MAP4K4: variants seen among roughly 807,000 people sequenced by gnomAD.
MAP4K4 encodes HPK/GCK-like kinase HGK.
A neutral mutation model predicts 189.6 loss-of-function variants in MAP4K4; 38 were observed. The observed-to-expected ratio is 0.20, with a 90% CI of 0.15 to 0.26. The LOEUF is 0.26. Ranked by LOEUF, MAP4K4 falls within the 10% of genes least tolerant of loss-of-function variation. The pLI is 1.00. For synonymous variants in MAP4K4, 610 were observed against 624.3 expected (o/e 0.98, Z 0.34); for missense variants, 1,054 against 1,726.9 (o/e 0.61, Z 6.91).
At chr2:101,891,430 T>C (rs1316357358) in exon 33 of MAP4K4, 1 of 560,630 alleles carries the variant, frequency 1.8e-6, no homozygotes, top group Admixed American at 3.1e-5. Flanking sequence ...TTTATCCCCA[T>C]TCTTTTTTTT....
At chr2:101,795,835 T>C (rs1490212404) in intron 3 of MAP4K4, among the ~76,000 whole-genome samples, 2 of 152,176 alleles carry the variant, frequency 1.3e-5, no homozygotes, top group Admixed American at 1.3e-4. Flanking sequence ...ACTGAAAATA[T>C]TGGTTCCTGA....
In MAP4K4 at chr2:101,871,733, C is replaced by A. The variant is rs147668709; in HGVS notation, c.2952+48C>A. On this transcript the variant is annotated intron_variant, in intron 24 of 32. Transcript: ENST00000324219. The stretch of plus-strand genomic sequence containing the variant: ...CTGCTTTCCTGGGGTTAGACCAGCA[C>A]TGCCTAGGAGTTAGTTTGCAAAGGA... The A allele has an allele frequency of 1.7e-5, 26 of 1,505,472 alleles. No homozygotes were observed. In the East Asian group the frequency reaches 6.4e-4, roughly 37 times the overall value. The allele number at this position is 1,505,472 out of a possible 1,614,324, so 93.3% of individuals were successfully genotyped here. A position where few individuals can be genotyped will look rare whatever the true frequency, so the allele number is the denominator to read the frequency against.
intron 2 of MAP4K4, among the ~76,000 whole-genome samples, chr2:101,766,177 A>G (rs911994968): frequency 6.6e-6 from 1 of 152,176 alleles, no homozygotes; most frequent in Non-Finnish European, 1.5e-5. Context: ...GGTACCCACT[A>G]TGTATGCACG....
chr2:101,698,128 C>G, exon 1 of MAP4K4: 1 of 1,260,948 alleles, frequency 7.9e-7, no homozygotes, highest in Non-Finnish European at 1.0e-6. Flanking sequence ...TCGACCTCTC[C>G]TCCCTGCGGG....
intron 2 of MAP4K4, among the ~76,000 whole-genome samples, chr2:101,783,224 G>A (rs368733994): frequency 3.3e-5 from 5 of 152,044 alleles, no homozygotes; most frequent in African/African-American, 1.2e-4. Flanking sequence ...GTTGAAGTAG[G>A]CTTGCCTGTC....
intron 3 of MAP4K4, among the ~76,000 whole-genome samples, chr2:101,822,556 T>G (rs1438253147): frequency 6.6e-6 from 1 of 152,240 alleles, no homozygotes. Flanking sequence ...TCTGATCTTA[T>G]CATTTATATC....
At chr2:101,882,422 C>T in intron 27 of MAP4K4, 129 bp from the exon 28 acceptor site, 1 of 609,878 alleles carries the variant, frequency 1.6e-6, no homozygotes, top group Non-Finnish European at 2.6e-6. Flanking sequence ...ACATCTCCAA[C>T]TTGTGACTTG....
intron 7 of MAP4K4, among the ~76,000 whole-genome samples, 196 bp downstream of exon 7, chr2:101,832,047 C>G (rs544037930): frequency 1.3e-5 from 2 of 152,368 alleles, no homozygotes; most frequent in African/African-American, 4.8e-5. Flanking sequence ...CATCACATGA[C>G]TGTGTTCTCA....
chr2:101,849,353 T>C (rs2097206747), intron 12 of MAP4K4, among the ~76,000 whole-genome samples: 1 of 152,066 alleles, frequency 6.6e-6, no homozygotes, highest in Non-Finnish European at 1.5e-5. Flanking sequence ...TGTTTCTAAC[T>C]CCTGGGCTCA....
At chr2:101,730,822 C>T (rs902174094) in intron 2 of MAP4K4, among the ~76,000 whole-genome samples, 4 of 152,002 alleles carry the variant, frequency 2.6e-5, no homozygotes, top group Non-Finnish European at 5.9e-5. Flanking sequence ...CCGAGGCAGG[C>T]GGATCATGAG....
At chr2:101,851,724 C>CTTTTTTTTTT (rs36217584) in intron 12 of MAP4K4, among the ~76,000 whole-genome samples, 6 of 67,900 alleles carry the variant, frequency 8.8e-5, no homozygotes, top group African/African-American at 1.9e-4. Context: ...TAACTGTCCT[C>CTTTTTTTTTT]TTTTTTTTTT....
intron 28 of MAP4K4, 101 bp downstream of exon 28, chr2:101,882,786 A>C: frequency 1.7e-6 from 2 of 1,204,930 alleles, no homozygotes; most frequent in Non-Finnish European, 2.3e-6. Flanking sequence ...TGTAATAATA[A>C]ACTTGTTTCT....
chr2:101,720,851 A>T lies in MAP4K4; in HGVS notation c.123+22313A>T, dbSNP rs532559811. On this transcript the variant is annotated intron_variant, in intron 2 of 32. Coordinates refer to ENST00000324219, the Ensembl canonical transcript of MAP4K4. ...GAAAAACAAGTTGAATTATTGCTGA[A>T]TTTTTGGTTTAGGCATAGTTGATCA... Among the ~76,000 whole-genome samples, 41 of 152,290 alleles carry T rather than the reference A, an allele frequency of 2.7e-4. No homozygotes were observed. The Middle Eastern group carries it at 0.01, about 38-fold the overall frequency.
chr2:101,851,744 TTTTTTTTTTTTTG>T (rs1172076916), intron 12 of MAP4K4, among the ~76,000 whole-genome samples: 2 of 101,450 alleles, frequency 2.0e-5, no homozygotes, highest in African/African-American at 3.6e-5. Context: ...TTTTTTTTTT[TTTTTTTTTTTTTG>T]CCTTAGCTAT....
At chr2:101,890,575 C>G (rs1295759581) in intron 32 of MAP4K4, among the ~76,000 whole-genome samples, 1 of 152,066 alleles carries the variant, frequency 6.6e-6, no homozygotes, top group African/African-American at 2.4e-5. Context: ...TCTTCCTCAG[C>G]CTCCTGAGTA....
chr2:101,829,328 C>CTG (rs1414957923), intron 5 of MAP4K4, among the ~76,000 whole-genome samples, 176 bp from the exon 6 acceptor site: 1 of 152,134 alleles, frequency 6.6e-6, no homozygotes, highest in African/African-American at 2.4e-5. Flanking sequence ...GGACTTCTTT[C>CTG]TGTGTGTGTG....
intron 26 of MAP4K4, among the ~76,000 whole-genome samples, chr2:101,875,937 T>C (rs952466140): frequency 4.6e-5 from 7 of 152,176 alleles, no homozygotes; most frequent in Admixed American, 2.0e-4. Flanking sequence ...TTAGGATTGA[T>C]TGGATGTACA....
chr2:101,735,226 G>T lies in MAP4K4; in HGVS notation c.123+36688G>T, dbSNP rs911138584. On this transcript the variant is annotated intron_variant, in intron 2 of 32. Transcript: ENST00000324219. ...GCCAGAAAAGCAGGAAGGTTCTGGTGCTAGGGCAGAAAGGGGGTGTAGAAA... is the reference window on the plus strand; with the variant it reads ...GCCAGAAAAGCAGGAAGGTTCTGGTTCTAGGGCAGAAAGGGGGTGTAGAAA... Among the ~76,000 whole-genome samples the T allele has an allele frequency of 3.3e-5, 5 of 152,158 alleles. No homozygotes were observed. In the East Asian group the frequency reaches 9.7e-4, roughly 29 times the overall value.
chr2:101,784,308 G>A (rs1280586791), intron 2 of MAP4K4, among the ~76,000 whole-genome samples: 1 of 149,058 alleles, frequency 6.7e-6, no homozygotes, highest in Non-Finnish European at 1.5e-5. Flanking sequence ...GTGTGTGTGT[G>A]TTTTTAAACA....
Sources: allele counts gnomAD v4.1 joint callset (sites outside exome capture counted in the v4.1 genomes callset), GRCh38; gene constraint gnomAD v4.1.1; transcripts MANE v1.5; gene names NCBI Gene and HGNC (gene_info 2026-07-23, HGNC 2026-07-21).